Variants in DPYD observed in about 807,000 individuals in gnomAD.
The protein encoded by DPYD is dihydropyrimidine dehydrogenase, also known as dihydropyrimidine dehydrogenase [NADP(+)].
In DPYD, 109 loss-of-function variants were observed where a neutral mutation model predicts 116.2. The ratio of observed to expected loss-of-function variants is 0.94; its 90% CI spans 0.80 to 1.10. DPYD has a LOEUF of 1.10. Ranked by LOEUF, DPYD falls within the 50% of genes least tolerant of loss-of-function variation. The pLI is 0.00. For missense variants in DPYD, 1,302 were observed against 1,254.5 expected, an observed-to-expected ratio of 1.04 and a Z score of -0.57; for synonymous variants, 440 against 432.0, an observed-to-expected ratio of 1.02 and a Z score of -0.23.
At chr1:97,873,498 G>A (rs532365145) in intron 2 of DPYD, among the ~76,000 whole-genome samples, 2 of 151,774 alleles carry the variant, frequency 1.3e-5, no homozygotes, top group Non-Finnish European at 2.9e-5. Flanking sequence ...TTTACTTGCT[G>A]TTTCAGGGTA....
intron 18 of DPYD, among the ~76,000 whole-genome samples, chr1:97,250,917 T>C (rs1473332688): frequency 2.6e-5 from 4 of 152,218 alleles, no homozygotes; most frequent in Non-Finnish European, 5.9e-5. Context: ...TGTATTATAT[T>C]GTATTTAACT....
intron 14 of DPYD, among the ~76,000 whole-genome samples, chr1:97,414,842 G>A (rs1674203789): frequency 6.6e-6 from 1 of 152,190 alleles, no homozygotes; most frequent in African/African-American, 2.4e-5. Context: ...TTTTAGTTTG[G>A]CTGGCAGGGC....
chr1:97,261,464 C>A (rs1287667992), intron 18 of DPYD, among the ~76,000 whole-genome samples: 1 of 128,836 alleles, frequency 7.8e-6, no homozygotes, highest in Non-Finnish European at 1.7e-5. Context: ...TGATGACTTT[C>A]TTTGAGAAAA....
chr1:97,631,979 A>G (rs1657287765), intron 8 of DPYD, among the ~76,000 whole-genome samples: 1 of 152,056 alleles, frequency 6.6e-6, no homozygotes, highest in Non-Finnish European at 1.5e-5. Flanking sequence ...ATTCTATACC[A>G]CCGTTCGATT....
chr1:97,438,106 C>G (rs1430102598), intron 14 of DPYD, among the ~76,000 whole-genome samples: 3 of 151,978 alleles, frequency 2.0e-5, no homozygotes, highest in Admixed American at 1.3e-4. Context: ...TATCTTTATG[C>G]CAACACCAGA....
At chr1:97,112,985 C>T (rs74365866) in intron 20 of DPYD, among the ~76,000 whole-genome samples, 13,464 of 152,038 alleles carry the variant, frequency 0.089, 1,156 homozygotes, top group African/African-American at 0.22. Flanking sequence ...AAAATAAATT[C>T]GCAAACCCCA....
intron 14 of DPYD, among the ~76,000 whole-genome samples, chr1:97,441,433 T>C (rs1170047419): frequency 6.6e-6 from 1 of 152,106 alleles, no homozygotes; most frequent in Non-Finnish European, 1.5e-5. Flanking sequence ...TTTGGATAGC[T>C]TTTATTGTTA....
intron 14 of DPYD, among the ~76,000 whole-genome samples, chr1:97,408,009 A>T (rs1294718877): frequency 6.6e-6 from 1 of 152,084 alleles, no homozygotes; most frequent in Admixed American, 6.6e-5. Context: ...TCAGTCTACT[A>T]CTCCACAACG....
At chr1:97,883,236 C>T in intron 2 of DPYD, 28 bp downstream of exon 2, 1 of 1,498,758 alleles carries the variant, frequency 6.7e-7, no homozygotes, top group Non-Finnish European at 9.3e-7. Context: ...TAATTTTCAG[C>T]ATGAAATAGT....
At chr1:97,343,408 T>G (rs965572188) in intron 16 of DPYD, among the ~76,000 whole-genome samples, 1 of 152,148 alleles carries the variant, frequency 6.6e-6, no homozygotes, top group Non-Finnish European at 1.5e-5. Flanking sequence ...TGTATTATCA[T>G]TATTTTAAAA....
chr1:97,193,673 A>G (rs1200116453), intron 19 of DPYD, among the ~76,000 whole-genome samples: 1 of 152,060 alleles, frequency 6.6e-6, no homozygotes, highest in Non-Finnish European at 1.5e-5. Flanking sequence ...CTGAGGTTGG[A>G]GTGCTGTTTA....
At chr1:97,124,045 T>C (rs922992529) in intron 20 of DPYD, among the ~76,000 whole-genome samples, 2 of 152,164 alleles carry the variant, frequency 1.3e-5, no homozygotes, top group Non-Finnish European at 2.9e-5. Flanking sequence ...GGATTTTGCT[T>C]CATTAAACAA....
intron 5 of DPYD, among the ~76,000 whole-genome samples, chr1:97,710,702 T>C (rs893564245): frequency 6.6e-6 from 1 of 151,318 alleles, no homozygotes; most frequent in Non-Finnish European, 1.5e-5. Context: ...GTACCTCCTA[T>C]GTCCTAGACA....
intron 3 of DPYD, among the ~76,000 whole-genome samples, chr1:97,744,741 C>A (rs570883802): frequency 6.6e-6 from 1 of 152,012 alleles, no homozygotes; most frequent in Admixed American, 6.6e-5. Flanking sequence ...ACCTTGTTTC[C>A]CTACCCTATA....
In DPYD at chr1:97,234,958, G is replaced by T. The variant is rs199634007; in HGVS notation, c.2336C>A (p.Thr779Asn). Residue 779 changes from threonine (T) to asparagine (N), a missense_variant, in exon 19 of 23, where the codon ACC becomes AAC. Physicochemically the swap from Thr to Asn is moderately conservative, Grantham distance 65 (BLOSUM62 0). Transcript: ENST00000370192. ...AIRPIALRAV[T>N]SIARALPGFP... ...TCCAGGCAGAGCACGAGCAATGGAG[G>T]TCACAGCTCTCAAAGCAATAGGTCT... 2.4e-5 allele frequency: 38 copies of T among 1,614,104 alleles called. No individual in the cohort carries two copies. In the East Asian group the frequency reaches 6.9e-4, roughly 29 times the overall value.
chr1:97,209,080 T>C (rs957806127), intron 19 of DPYD, among the ~76,000 whole-genome samples: 2 of 152,136 alleles, frequency 1.3e-5, no homozygotes, highest in Non-Finnish European at 2.9e-5. Flanking sequence ...CAGATAAACA[T>C]ATAAGATCGA....
At chr1:97,380,444 T>C (rs902381549) in intron 15 of DPYD, among the ~76,000 whole-genome samples, 3 of 152,158 alleles carry the variant, frequency 2.0e-5, no homozygotes, top group African/African-American at 4.8e-5. Flanking sequence ...TCAAACCAGG[T>C]TGAAGAATAT....
intron 3 of DPYD, among the ~76,000 whole-genome samples, chr1:97,819,440 G>C (rs775913313): frequency 2.6e-5 from 4 of 151,638 alleles, no homozygotes; most frequent in Non-Finnish European, 5.9e-5. Context: ...AAAGGAATTT[G>C]TTTTTCAACA....
chr1:97,688,874 A>T (rs1483026141), intron 7 of DPYD, among the ~76,000 whole-genome samples: 1 of 151,990 alleles, frequency 6.6e-6, no homozygotes, highest in Admixed American at 6.6e-5. Context: ...AATTTTAGAA[A>T]TTCAATGATT....
Sources: allele counts gnomAD v4.1 joint callset (sites outside exome capture counted in the v4.1 genomes callset), GRCh38; gene constraint gnomAD v4.1.1; transcripts MANE v1.5; gene names NCBI Gene and HGNC (gene_info 2026-07-23, HGNC 2026-07-21).